The following CNBD2 variants were observed in gnomAD, a reference collection of about 807,000 sequenced individuals.
CNBD2 encodes cyclic nucleotide binding domain containing 2.
Under a neutral mutation model 63.7 loss-of-function variants are expected in CNBD2, and 64 were observed. The observed-to-expected ratio is 1.00, with a 90% CI of 0.82 to 1.24. CNBD2 has a LOEUF of 1.24. Among genes scored for constraint, CNBD2 ranks in the 50% most tolerant of loss-of-function variants. CNBD2 has a pLI of 0.00. For missense variants in CNBD2, 691 were observed against 713.5 expected (o/e 0.97, Z 0.36); for synonymous variants, 229 against 255.4 (o/e 0.90, Z 0.99).
At chr20:36,028,754 C>A (rs571368202) in intron 11 of CNBD2, among the ~76,000 whole-genome samples, 1 of 147,270 alleles carries the variant, frequency 6.8e-6, no homozygotes, top group South Asian at 2.1e-4. Flanking sequence ...CAGGTCACTG[C>A]AATGTCCCCC....
intron 7 of CNBD2, among the ~76,000 whole-genome samples, chr20:35,994,692 C>A (rs1370624258): frequency 6.6e-6 from 1 of 151,402 alleles, no homozygotes; most frequent in Non-Finnish European, 1.5e-5. Flanking sequence ...AGTTCGAGAC[C>A]AGCCTGGCCA....
At chr20:35,994,507 C>T (rs569034316) in intron 7 of CNBD2, among the ~76,000 whole-genome samples, 150 of 149,274 alleles carry the variant, frequency 1.0e-3, no homozygotes, top group African/African-American at 3.5e-3. Context: ...CCGTGCCTGG[C>T]TTATATTTAG....
At chr20:35,985,158 G>A (rs559412602) in intron 6 of CNBD2, among the ~76,000 whole-genome samples, 1 of 152,072 alleles carries the variant, frequency 6.6e-6, no homozygotes, top group East Asian at 1.9e-4. Context: ...AATTAGCTGG[G>A]TGTGGTGGCA....
chr20:35,966,265 GA>G (rs1014732989), upstream of CNBD2, among the ~76,000 whole-genome samples: 8 of 152,092 alleles, frequency 5.3e-5, no homozygotes, highest in Non-Finnish European at 8.8e-5. Flanking sequence ...TGGTATGGGG[GA>G]AAAACCAGTT....
chr20:35,975,323 T>C (rs111293706), intron 2 of CNBD2, among the ~76,000 whole-genome samples: 28 of 107,700 alleles, frequency 2.6e-4, no homozygotes, highest in Admixed American at 6.6e-4. Context: ...TTTTTTGAGA[T>C]GGAGTCTTGC....
chr20:35,954,497 C>G, upstream of CNBD2: 1 of 1,541,408 alleles, frequency 6.5e-7, no homozygotes, highest in South Asian at 1.2e-5. Flanking sequence ...TCTCTGGCTT[C>G]TCTGCGTCCA....
chr20:36,015,768 A>C (rs887675091), intron 10 of CNBD2, among the ~76,000 whole-genome samples: 8 of 152,250 alleles, frequency 5.3e-5, no homozygotes, highest in African/African-American at 1.9e-4. Context: ...GTGCATATTG[A>C]TATAAATGAA....
chr20:36,003,336 G>T (rs568554311), intron 8 of CNBD2, among the ~76,000 whole-genome samples: 2 of 152,046 alleles, frequency 1.3e-5, no homozygotes, highest in South Asian at 2.1e-4. Flanking sequence ...TTTTTAATAG[G>T]ATGCTAGAAA....
downstream of CNBD2, among the ~76,000 whole-genome samples, chr20:35,957,926 C>G (rs375239978): frequency 2.6e-5 from 4 of 152,266 alleles, no homozygotes; most frequent in African/African-American, 9.6e-5. Context: ...AGGCCTGACT[C>G]CTAGGTAGCT....
chr20:36,011,171 A>T lies in CNBD2; in HGVS notation c.1183A>T (p.Ile395Phe), dbSNP rs774360516. 12 of 1,596,696 alleles carry T rather than the reference A, an allele frequency of 7.5e-6. No homozygotes were observed. In the Admixed American group the frequency reaches 1.9e-4, roughly 25 times the overall value. The change falls in exon 10 of 12, where the codon ATC becomes TTC. Residue 395 changes from isoleucine (I) to phenylalanine (F), a missense_variant. Physicochemically the swap from Ile to Phe is conservative, Grantham distance 21 (BLOSUM62 0). Coordinates refer to ENST00000373973, the MANE Select transcript of CNBD2 (RefSeq NM_001365709.1). ...TGCTCAGTCGATCAAATGTGCCATG[A>T]TCAATATCAAGCCTGGTGAGCTCCC... ...RPAQSIKCAM[I>F]NIKPGELPKE...
intron 1 of CNBD2, among the ~76,000 whole-genome samples, chr20:35,970,195 T>A (rs2056392959): frequency 6.6e-6 from 1 of 152,226 alleles, no homozygotes; most frequent in Non-Finnish European, 1.5e-5. Context: ...ATTTGAACTT[T>A]CCCTTTGAAT....
chr20:36,030,610 A>C lies in CNBD2; in HGVS notation c.1693A>C (p.Lys565Gln), dbSNP rs760517075. ...LPPLRIVQAI[K>Q]APRYKIRELL... is the part of the protein sequence containing the mutation. ...CCCATTGAGGATTGTCCAAGCCATC[A>C]AAGCACCTCGGTACAAAATCCGAGA... Residue 565 changes from lysine (K) to glutamine (Q), a missense_variant, in exon 12 of 12, where the codon AAA becomes CAA. Lys to Gln is a moderately conservative substitution (Grantham distance 53). Transcript: ENST00000373973. 6.2e-7 allele frequency: 1 copy of C among 1,614,066 alleles called. No homozygotes were observed. Among genetic ancestry groups the C allele is most frequent in the Non-Finnish European group, 8.5e-7 (1 of 1,180,040 alleles).
chr20:35,960,312 C>G (rs1391292598), downstream of CNBD2, among the ~76,000 whole-genome samples: 1 of 152,210 alleles, frequency 6.6e-6, no homozygotes, highest in African/African-American at 2.4e-5. Context: ...TTTAGTTGCT[C>G]TACATCCTCA....
chr20:35,977,622 G>A (rs1448542775), intron 3 of CNBD2, among the ~76,000 whole-genome samples: 1 of 152,328 alleles, frequency 6.6e-6, no homozygotes, highest in Admixed American at 6.5e-5. Context: ...AGGTCGCAGT[G>A]AGCTATGACT....
chr20:36,004,390 CT>C (rs2056956394), intron 8 of CNBD2, among the ~76,000 whole-genome samples: 1 of 152,170 alleles, frequency 6.6e-6, no homozygotes. Flanking sequence ...TTGCCCTCCC[CT>C]GACTATGTCT....
intron 7 of CNBD2, among the ~76,000 whole-genome samples, chr20:35,990,599 G>A (rs1348732075): frequency 6.6e-6 from 1 of 152,090 alleles, no homozygotes; most frequent in South Asian, 2.1e-4. Flanking sequence ...CTGCACTCCA[G>A]CCTGGGCAAC....
At chr20:35,998,590 C>T (rs879627383) in intron 8 of CNBD2, among the ~76,000 whole-genome samples, 9 of 152,022 alleles carry the variant, frequency 5.9e-5, no homozygotes, top group Non-Finnish European at 1.2e-4. Context: ...TTAATAGAGG[C>T]TGGCGTGGTG....
At chr20:35,970,919 T>C (rs756724822) in intron 1 of CNBD2, among the ~76,000 whole-genome samples, 4 of 151,832 alleles carry the variant, frequency 2.6e-5, no homozygotes, top group Non-Finnish European at 5.9e-5. Context: ...AAACAGAGAC[T>C]TTTATTTAGT....
intron 1 of CNBD2, among the ~76,000 whole-genome samples, chr20:35,970,517 C>T (rs1338837719): frequency 6.6e-6 from 1 of 152,072 alleles, no homozygotes; most frequent in Non-Finnish European, 1.5e-5. Context: ...GTGCCTCAGC[C>T]TCCTGAGTAG....
Sources: allele counts gnomAD v4.1 joint callset (sites outside exome capture counted in the v4.1 genomes callset), GRCh38; gene constraint gnomAD v4.1.1; transcripts MANE v1.5; gene names NCBI Gene and HGNC (gene_info 2026-07-23, HGNC 2026-07-21).